The following CREBBP variants were observed in gnomAD, a reference collection of about 807,000 sequenced individuals.
CREBBP encodes the protein CREB-binding protein.
Under a neutral mutation model 265.0 loss-of-function variants are expected in CREBBP, and 19 were observed. The ratio of observed to expected loss-of-function variants is 0.07; its 90% CI spans 0.05 to 0.11. CREBBP has a LOEUF of 0.11. CREBBP is among the 10% of genes least tolerant of loss of function. The pLI is 1.00. For missense variants in CREBBP, 2,525 were observed against 3,219.0 expected (o/e 0.78, Z 5.22); for synonymous variants, 1,457 against 1,223.7 (o/e 1.19, Z -3.98).
At chr16:3,736,256 A>G (rs2151328115) in intron 27 of CREBBP, 53 bp from the exon 28 acceptor site, 3 of 1,576,770 alleles carry the variant, frequency 1.9e-6, no homozygotes, top group South Asian at 2.2e-5. Flanking sequence ...CGTGCCCCCC[A>G]CCATGGTGCG....
rs760803091 is a variant in CREBBP at position 3,780,849 on chromosome 16, C to A, written c.1706G>T (p.Gly569Val). 2.5e-6 allele frequency: 4 copies of A among 1,613,590 alleles called. No individual in the cohort carries two copies. Among genetic ancestry groups the A allele is most frequent in the Non-Finnish European group, 3.4e-6 (4 of 1,180,014 alleles). Residue 569 changes from glycine to valine, a missense_variant, in exon 8 of 31, where the codon GGT becomes GTT. Transcript: ENST00000262367. ...TATAGTGCTGAGGGTTCCAATGTTA[C>A]CAGAGTTGGAGCCATCGTTCATCAG... ...NPLMNDGSNSGNIGTLSTIPT... is the reference protein window; with the variant it reads ...NPLMNDGSNSVNIGTLSTIPT...
chr16:3,760,947 T>C (rs1289019506), intron 16 of CREBBP, among the ~76,000 whole-genome samples: 2 of 152,190 alleles, frequency 1.3e-5, no homozygotes, highest in Non-Finnish European at 2.9e-5. Flanking sequence ...CTGTTTTTTG[T>C]ATCTTGAAAA....
Position 3,736,212 on chromosome 16 carries a change from GC to G in CREBBP, c.4561-10del. 1 of 1,613,936 alleles carries G rather than the reference GC, an allele frequency of 6.2e-7. No homozygotes were observed. Among genetic ancestry groups the G allele is most frequent in the Non-Finnish European group, 8.5e-7 (1 of 1,179,814 alleles). Reference sequence around the variant, plus strand: ...GCTTGTTTGAAAATATCCTGAGTGGGCAAAGCACAACAGTGAGATGAGGGCC... The same window carrying G: ...GCTTGTTTGAAAATATCCTGAGTGGGAAAGCACAACAGTGAGATGAGGGCC... On this transcript the variant is annotated splice_polypyrimidine_tract_variant and intron_variant, in intron 27 of 30. Coordinates refer to ENST00000262367, the MANE Select transcript of CREBBP (RefSeq NM_004380.3).
chr16:3,729,920 G>A (rs2151312996), intron 30 of CREBBP, 46 bp from the exon 31 acceptor site: 3 of 1,593,490 alleles, frequency 1.9e-6, no homozygotes, highest in African/African-American at 1.3e-5. Context: ...ATGGGACCCA[G>A]TACCACCAGG....
chr16:3,795,331 T>G (rs970698375), intron 3 of CREBBP, among the ~76,000 whole-genome samples: 58 of 152,340 alleles, frequency 3.8e-4, no homozygotes, highest in Admixed American at 5.2e-4. Flanking sequence ...TAACAACAAT[T>G]AAAATCCCAT....
At chr16:3,860,932 G>T (rs532648535) in intron 1 of CREBBP, among the ~76,000 whole-genome samples, 1 of 152,076 alleles carries the variant, frequency 6.6e-6, no homozygotes. Flanking sequence ...TCAGATCACA[G>T]CTGTCACCAC....
chr16:3,839,447 G>A (rs1368435713), intron 2 of CREBBP, among the ~76,000 whole-genome samples: 1 of 152,068 alleles, frequency 6.6e-6, no homozygotes, highest in East Asian at 1.9e-4. Context: ...TTGGGAGGCT[G>A]AGGCAGGCGG....
chr16:3,788,693 C>G (rs77650548), intron 5 of CREBBP, among the ~76,000 whole-genome samples: 16,326 of 152,236 alleles, frequency 0.11, 2,014 homozygotes, highest in African/African-American at 0.29. Context: ...GCTCACGCCT[C>G]TAATCCCAGG....
rs776643295 is a variant in CREBBP, at chr16:3,744,930, C to A, written c.3946G>T (p.Gly1316Cys). The change falls in exon 23 of 31, where the codon GGC becomes TGC. Residue 1316 changes from glycine (G) to cysteine (C), a missense_variant. Gly to Cys is a radical substitution (Grantham distance 159). This residue lies in a region of CREBBP where 252 missense variants were observed against 452.5 expected (regional missense o/e 0.56). Transcript: ENST00000262367. ...FVCDNCLKKT[G>C]RPRKENKFSA... Reference sequence around the variant, plus strand: ...AATTTGTTTTCTTTTCGAGGTCTGCCAGTTTTCTTCAAGCAGTTGTCGCAC... The same window carrying A: ...AATTTGTTTTCTTTTCGAGGTCTGCAAGTTTTCTTCAAGCAGTTGTCGCAC... 4 of 1,614,044 alleles carry A rather than the reference C, an allele frequency of 2.5e-6. No individual in the cohort carries two copies. Among genetic ancestry groups the A allele is most frequent in the Non-Finnish European group, 3.4e-6 (4 of 1,179,934 alleles).
intron 2 of CREBBP, among the ~76,000 whole-genome samples, chr16:3,822,259 G>A (rs1362947716): frequency 6.6e-6 from 1 of 152,154 alleles, no homozygotes; most frequent in African/African-American, 2.4e-5. Context: ...CATAAAAAGG[G>A]ACGTCAAGAA....
At chr16:3,740,808 G>T (rs575682756) in intron 23 of CREBBP, 226 of 521,570 alleles carry the variant, frequency 4.3e-4, no homozygotes, top group African/African-American at 4.1e-3. Context: ...AACAGTATGG[G>T]GCAGAAGACC....
chr16:3,746,225 C>T (rs892044482), intron 21 of CREBBP, among the ~76,000 whole-genome samples: 1 of 152,152 alleles, frequency 6.6e-6, no homozygotes, highest in African/African-American at 2.4e-5. Flanking sequence ...AAGTGTGCCC[C>T]TGCCCTCGTC....
At chr16:3,790,898 T>A (rs928992228) in intron 5 of CREBBP, among the ~76,000 whole-genome samples, 2 of 152,166 alleles carry the variant, frequency 1.3e-5, no homozygotes, top group Non-Finnish European at 2.9e-5. Context: ...AAGCACTTTT[T>A]CCATCTTTCC....
intron 2 of CREBBP, among the ~76,000 whole-genome samples, chr16:3,814,933 C>G (rs894054748): frequency 3.9e-5 from 6 of 152,218 alleles, no homozygotes; most frequent in Non-Finnish European, 5.9e-5. Flanking sequence ...GAGGTCAGCT[C>G]TCTCACAGGG....
intron 28 of CREBBP, 41 bp downstream of exon 28, chr16:3,735,995 G>A: frequency 6.2e-7 from 1 of 1,614,142 alleles, no homozygotes; most frequent in Middle Eastern, 1.7e-4. Context: ...TGCAGCTCCA[G>A]CGGGACACGT....
chr16:3,817,462 G>A (rs996239107), intron 2 of CREBBP, among the ~76,000 whole-genome samples: 11 of 149,730 alleles, frequency 7.3e-5, no homozygotes, highest in African/African-American at 2.4e-4. Flanking sequence ...CACTAACCAG[G>A]AGAATCTCTC....
chr16:3,845,179 A>G (rs546672125), intron 2 of CREBBP, among the ~76,000 whole-genome samples: 2 of 152,340 alleles, frequency 1.3e-5, no homozygotes, highest in Non-Finnish European at 2.9e-5. Flanking sequence ...GAATGTTTCT[A>G]CCATATCCCC....
intron 2 of CREBBP, among the ~76,000 whole-genome samples, chr16:3,838,057 C>A (rs1217783109): frequency 6.6e-6 from 1 of 152,210 alleles, no homozygotes; most frequent in African/African-American, 2.4e-5. Flanking sequence ...TGTTCTCCAA[C>A]TCACAGGCTC....
At chr16:3,774,050 A>G in intron 12 of CREBBP, 120 bp from the exon 13 acceptor site, 1 of 1,092,080 alleles carries the variant, frequency 9.2e-7, no homozygotes. Flanking sequence ...CAGGGCTCAC[A>G]TCCTGCCCTT....
Sources: allele counts gnomAD v4.1 joint callset (sites outside exome capture counted in the v4.1 genomes callset), GRCh38; gene constraint gnomAD v4.1.1; regional missense constraint gnomAD v4.1.1; transcripts MANE v1.5; gene names NCBI Gene and HGNC (gene_info 2026-07-23, HGNC 2026-07-21).